KCNT2: variants seen among roughly 807,000 people sequenced by gnomAD.
KCNT2 encodes potassium sodium-activated channel subfamily T member 2.
In KCNT2, 67 loss-of-function variants were observed where a neutral mutation model predicts 153.8. The ratio of observed to expected loss-of-function variants is 0.44; its 90% confidence interval spans 0.36 to 0.53. The LOEUF is 0.53. KCNT2 is among the 20% of genes least tolerant of loss of function. The pLI, the probability that KCNT2 is intolerant of heterozygous loss-of-function variation, is 0.00. For synonymous variants in KCNT2, 500 were observed against 458.8 expected, an observed-to-expected ratio of 1.09 and a Z score of -1.15; for missense variants, 975 against 1,354.8, an observed-to-expected ratio of 0.72 and a Z score of 4.40.
intron 8 of KCNT2, among the ~76,000 whole-genome samples, chr1:196,462,219 C>G (rs2148653519): frequency 6.6e-6 from 1 of 151,604 alleles, no homozygotes; most frequent in Middle Eastern, 3.4e-3. Context: ...TACCATGCCC[C>G]TGGTTTTTAT....
intron 1 of KCNT2, among the ~76,000 whole-genome samples, chr1:196,564,335 T>C (rs1457359537): frequency 1.3e-5 from 2 of 151,856 alleles, no homozygotes; most frequent in Non-Finnish European, 2.9e-5. Flanking sequence ...TACAAAACAC[T>C]GATGAAAGAA....
intron 25 of KCNT2, among the ~76,000 whole-genome samples, chr1:196,278,061 A>G (rs1443236123): frequency 6.6e-6 from 1 of 152,156 alleles, no homozygotes; most frequent in African/African-American, 2.4e-5. Context: ...GAAGCAAATA[A>G]TATACTCATT....
chr1:196,285,612 C>G, intron 23 of KCNT2, 45 bp downstream of exon 23: 1 of 1,230,656 alleles, frequency 8.1e-7, no homozygotes, highest in African/African-American at 1.5e-5. Flanking sequence ...AAATCTAAAA[C>G]AGAAAACAAC....
At chr1:196,461,641 T>C (rs1247712448) in intron 8 of KCNT2, among the ~76,000 whole-genome samples, 1 of 151,794 alleles carries the variant, frequency 6.6e-6, no homozygotes, top group Non-Finnish European at 1.5e-5. Context: ...TGCTCCAGTT[T>C]ACTCTGCTTT....
chr1:196,424,688 T>C (rs141722157), intron 11 of KCNT2, among the ~76,000 whole-genome samples: 1 of 151,822 alleles, frequency 6.6e-6, no homozygotes, highest in Non-Finnish European at 1.5e-5. Flanking sequence ...TTTTCAGAAG[T>C]TGAATCATTG....
intron 14 of KCNT2, among the ~76,000 whole-genome samples, chr1:196,372,246 T>C (rs933256902): frequency 6.6e-6 from 1 of 151,974 alleles, no homozygotes; most frequent in Non-Finnish European, 1.5e-5. Flanking sequence ...TTTACTACTT[T>C]TAAATTAACA....
intron 26 of KCNT2, among the ~76,000 whole-genome samples, chr1:196,251,546 A>G (rs975631205): frequency 6.6e-6 from 1 of 152,062 alleles, no homozygotes; most frequent in African/African-American, 2.4e-5. Context: ...TGGGAGCTAA[A>G]CATTAAGACA....
intron 24 of KCNT2, among the ~76,000 whole-genome samples, chr1:196,281,877 G>A (rs1370206728): frequency 2.6e-5 from 4 of 151,620 alleles, no homozygotes; most frequent in Admixed American, 1.3e-4. Flanking sequence ...AGCCTCCCGA[G>A]TAGCTGGGAC....
intron 8 of KCNT2, among the ~76,000 whole-genome samples, chr1:196,449,947 A>G (rs2148615408): frequency 6.6e-6 from 1 of 151,958 alleles, no homozygotes; most frequent in South Asian, 2.1e-4. Flanking sequence ...AATGTACTAT[A>G]AAAGCTCTGA....
intron 1 of KCNT2, among the ~76,000 whole-genome samples, chr1:196,592,738 TATAGTCAGAAAGAA>T (rs1421768096): frequency 6.8e-6 from 1 of 147,364 alleles, no homozygotes. Flanking sequence ...CATATATATA[TATAGTCAGAAAGAA>T]TGAATAAGAC....
chr1:196,526,369 A>G (rs1193964851), intron 1 of KCNT2, among the ~76,000 whole-genome samples: 1 of 151,180 alleles, frequency 6.6e-6, no homozygotes, highest in South Asian at 2.1e-4. Context: ...ATGTTACATT[A>G]TTGTATACAT....
At chr1:196,276,216 G>A (rs1430192317) in intron 25 of KCNT2, among the ~76,000 whole-genome samples, 2 of 151,658 alleles carry the variant, frequency 1.3e-5, no homozygotes, top group African/African-American at 4.8e-5. Context: ...ATTTTTATTG[G>A]ATCAAAATTC....
chr1:196,406,832 A>T (rs1376549774), intron 12 of KCNT2, among the ~76,000 whole-genome samples: 1 of 151,330 alleles, frequency 6.6e-6, no homozygotes, highest in Non-Finnish European at 1.5e-5. Flanking sequence ...CGTGGCTGAA[A>T]ATTTACCACT....
At position 196,448,379 on chromosome 1, in the gene KCNT2, T is replaced by C. The variant is rs554691248; in HGVS notation, c.638+16914A>G. ...AAAAAATATATTGTATTATTATATA[T>C]AACATTTCTGTATTATTTTGCCTAC... On this transcript the variant is annotated intron_variant, in intron 8 of 27. Transcript: ENST00000294725. Among the ~76,000 whole-genome samples, 5 of 151,706 alleles carry C rather than the reference T, an allele frequency of 3.3e-5. No individual in the cohort carries two copies. In the South Asian group the frequency reaches 1.0e-3, roughly 31 times the overall value.
chr1:196,375,538 A>G (rs1011882010), intron 13 of KCNT2, among the ~76,000 whole-genome samples: 8 of 151,732 alleles, frequency 5.3e-5, no homozygotes, highest in African/African-American at 1.9e-4. Flanking sequence ...GTCATTGGTA[A>G]AAGTGTCTTT....
chr1:196,316,091 A>G, intron 20 of KCNT2, 65 bp from the exon 21 acceptor site: 4 of 1,456,758 alleles, frequency 2.7e-6, no homozygotes, highest in Non-Finnish European at 3.8e-6. Flanking sequence ...ATCAGTGCTA[A>G]AGTCTAGCAC....
rs1315166887 is a variant in KCNT2, at chr1:196,392,429, C to G, written c.1294+6134G>C. Among the ~76,000 whole-genome samples, 35 of 151,254 alleles carry G rather than the reference C, an allele frequency of 2.3e-4. 1 individual carries two copies. The highest frequency in any genetic ancestry group is 2.2e-3 in the Admixed American group (33 of 15,112). On this transcript the variant is annotated intron_variant, in intron 13 of 27. Coordinates refer to ENST00000294725, the MANE Select transcript of KCNT2 (RefSeq NM_198503.5). ...AATGTTTTATATTTTGAAAATATAA[C>G]AACTCTAAGCATTATGTTCTTAAGT...
intron 16 of KCNT2, among the ~76,000 whole-genome samples, chr1:196,335,786 TCAC>T (rs2148127615): frequency 6.6e-6 from 1 of 152,246 alleles, no homozygotes; most frequent in South Asian, 2.1e-4. Context: ...CACCCTTTGA[TCAC>T]CACTATTTCT....
intron 18 of KCNT2, among the ~76,000 whole-genome samples, chr1:196,329,940 TTCC>T (rs1333338029): frequency 1.7e-5 from 2 of 120,060 alleles, no homozygotes; most frequent in South Asian, 2.6e-4. Context: ...GATAATTCTG[TTCC>T]TCAAGACATA....
Sources: allele counts gnomAD v4.1 joint callset (sites outside exome capture counted in the v4.1 genomes callset), GRCh38; gene constraint gnomAD v4.1.1; transcripts MANE v1.5; gene names NCBI Gene and HGNC (gene_info 2026-07-23, HGNC 2026-07-21).